PDE1C: variants seen among roughly 807,000 people sequenced by gnomAD.
PDE1C encodes the protein dual specificity calcium/calmodulin-dependent 3',5'-cyclic nucleotide phosphodiesterase 1C.
A neutral mutation model predicts 93.1 loss-of-function variants in PDE1C; 62 were observed. The ratio of observed to expected loss-of-function variants is 0.67; its 90% CI spans 0.54 to 0.82. PDE1C has a LOEUF of 0.82. Among genes scored for constraint, PDE1C ranks in the 40% least tolerant of loss-of-function variants. The pLI is 0.00. For missense variants in PDE1C, 742 were observed against 884.6 expected, an observed-to-expected ratio of 0.84 and a Z score of 2.04; for synonymous variants, 325 against 310.1, an observed-to-expected ratio of 1.05 and a Z score of -0.50.
chr7:32,002,839 T>C (rs970249877), intron 2 of PDE1C, among the ~76,000 whole-genome samples: 2 of 152,336 alleles, frequency 1.3e-5, no homozygotes, highest in African/African-American at 4.8e-5. Context: ...CTCATATGTG[T>C]TTGTTTAAAA....
chr7:31,833,586 T>C (rs1215174442), intron 11 of PDE1C, among the ~76,000 whole-genome samples: 1 of 152,156 alleles, frequency 6.6e-6, no homozygotes, highest in Non-Finnish European at 1.5e-5. Flanking sequence ...AGTTGGGAAC[T>C]GGAGTAAAAA....
chr7:31,935,432 TAA>T (rs1804907891), intron 2 of PDE1C, among the ~76,000 whole-genome samples: 1 of 152,146 alleles, frequency 6.6e-6, no homozygotes. Flanking sequence ...CATCCTTCTC[TAA>T]CTCTTGCTTT....
chr7:32,168,011 T>G (rs1339985757), intron 3 of PDE1C, among the ~76,000 whole-genome samples: 1 of 152,206 alleles, frequency 6.6e-6, no homozygotes, highest in South Asian at 2.1e-4. Context: ...ATTTACCATT[T>G]AGCACTGTCA....
chr7:31,712,050 C>A, the PDE1C span, among the ~76,000 whole-genome samples: 1 of 152,224 alleles, frequency 6.6e-6, no homozygotes, highest in Non-Finnish European at 1.5e-5. Context: ...CTCTTCCTTG[C>A]CTTCTTAATT....
At chr7:31,790,970 A>G (rs1226096033) in intron 16 of PDE1C, among the ~76,000 whole-genome samples, 1 of 152,122 alleles carries the variant, frequency 6.6e-6, no homozygotes, top group Admixed American at 6.6e-5. Context: ...TTGGTGTTGC[A>G]TGCTCTGCAA....
At chr7:32,137,908 T>C (rs1022758206) in intron 3 of PDE1C, among the ~76,000 whole-genome samples, 1 of 152,220 alleles carries the variant, frequency 6.6e-6, no homozygotes, top group African/African-American at 2.4e-5. Context: ...ACATCTCTGA[T>C]TGGTCAATTG....
intron 3 of PDE1C, among the ~76,000 whole-genome samples, chr7:32,102,467 G>A (rs1798087855): frequency 6.6e-6 from 1 of 152,212 alleles, no homozygotes. Context: ...TATCTGTGAA[G>A]TGACAGTAAT....
At position 31,809,015 on chromosome 7, in the gene PDE1C, A is replaced by G. The variant is rs369690223; in HGVS notation, c.1891+16T>C. 1.3e-5 allele frequency: 19 copies of G among 1,415,192 alleles called. No individual in the cohort carries two copies. The highest frequency in any genetic ancestry group is 1.8e-5 in the Non-Finnish European group (18 of 1,002,388). The allele number at this position is 1,415,192 out of a possible 1,614,324, so 87.7% of individuals were successfully genotyped here. On this transcript the variant is annotated intron_variant, in intron 16 of 17. Coordinates refer to ENST00000396191, the MANE Select transcript of PDE1C (RefSeq NM_001191057.4). ...GCACATTTTATGGAAAAATGTAATG[A>G]GAATAATACTCTTACCATCTGTTTT...
chr7:31,655,875 A>G, the PDE1C span: 2 of 985,530 alleles, frequency 2.0e-6, no homozygotes, highest in Non-Finnish European at 2.4e-6. Flanking sequence ...CGGAATGAAG[A>G]GGAACACCTG....
In PDE1C at chr7:31,879,010, C is replaced by A; in HGVS notation, c.411G>T (p.Gly137=). 6.2e-7 allele frequency: 1 copy of A among 1,613,922 alleles called. No individual in the cohort carries two copies. Among genetic ancestry groups the A allele is most frequent in the Non-Finnish European group, 8.5e-7 (1 of 1,179,810 alleles). The change falls in exon 4 of 18, where the codon GGG becomes GGT. Residue 137 remains glycine (G), a synonymous_variant. Coordinates refer to ENST00000396191, the MANE Select transcript of PDE1C (RefSeq NM_001191057.4). The part of the protein sequence containing the change: ...FKSIVHAVQA[G]IFVERMYRRT... ...GACATCTTTACCTCTCCACAAATAT[C>A]CCAGCCTGCACTGCGTGAACGATGC...
rs2302450 is a variant in PDE1C, at chr7:31,815,955, G to A, written c.1782C>T (p.Ala594=). 378,117 of 1,612,540 alleles carry A rather than the reference G, an allele frequency of 0.23. 46,070 individuals are homozygous for A. The highest frequency in any genetic ancestry group is 0.35 in the Middle Eastern group (2,097 of 6,056). The change falls in exon 15 of 18, where the codon GCC becomes GCT. Residue 594 remains alanine (A), a synonymous_variant. Coordinates refer to ENST00000396191, the MANE Select transcript of PDE1C (RefSeq NM_001191057.4). ...GTTGCTGTTCTCCTGATGACTTCTCGGCTTTGGAGTTTTTCCCACGAGGGT... is the reference window on the plus strand; with the variant it reads ...GTTGCTGTTCTCCTGATGACTTCTCAGCTTTGGAGTTTTTCCCACGAGGGT... ...SDNPRGKNSK[A]EKSSGEQQQN... is the part of the protein sequence containing the mutation.
chr7:31,957,238 T>C (rs934753360), intron 2 of PDE1C, among the ~76,000 whole-genome samples: 3 of 151,372 alleles, frequency 2.0e-5, no homozygotes, highest in African/African-American at 7.3e-5. Context: ...CACGTTGACA[T>C]TTCAAGCATA....
chr7:32,182,906 G>A (rs576408950), intron 2 of PDE1C, among the ~76,000 whole-genome samples: 220 of 152,238 alleles, frequency 1.4e-3, no homozygotes, highest in African/African-American at 5.0e-3. Flanking sequence ...AAACCCCATC[G>A]TCTCAGCCCA....
chr7:31,894,143 G>C (rs1315884108), intron 2 of PDE1C, among the ~76,000 whole-genome samples: 1 of 152,216 alleles, frequency 6.6e-6, no homozygotes, highest in Non-Finnish European at 1.5e-5. Context: ...GGGAATCATA[G>C]AATGTTCAAC....
At chr7:31,814,648 G>A (rs990469534) in intron 15 of PDE1C, among the ~76,000 whole-genome samples, 3 of 150,306 alleles carry the variant, frequency 2.0e-5, no homozygotes, top group African/African-American at 7.4e-5. Context: ...AGATTACCTG[G>A]TCGCACCAGG....
Position 32,386,537 on chromosome 7 carries a change from AT to A in PDE1C, c.310+41284del, listed in dbSNP as rs1303948933. On this transcript the variant is annotated intron_variant, in intron 1 of 1. Coordinates refer to the PDE1C transcript ENST00000672256. Reference sequence around the variant, plus strand: ...TTGTTGGACATGGAGATTGCTTTTAATTTATTGTTTTGGATAAATTTGTTGC... The same window carrying A: ...TTGTTGGACATGGAGATTGCTTTTAATTATTGTTTTGGATAAATTTGTTGC... Among the ~76,000 whole-genome samples, 3 of 102,160 alleles carry A rather than the reference AT, an allele frequency of 2.9e-5. No homozygotes were observed. In the Admixed American group the frequency reaches 3.6e-4, roughly 12 times the overall value. 67.0% of individuals were successfully genotyped at this position (102,160 alleles called of 152,430 possible).
chr7:31,680,958 C>T, the PDE1C span, among the ~76,000 whole-genome samples: 1 of 152,178 alleles, frequency 6.6e-6, no homozygotes, highest in African/African-American at 2.4e-5. Context: ...GTGAGTGGTA[C>T]ATCCTCAGAG....
At chr7:31,988,089 G>T (rs528928481) in intron 2 of PDE1C, among the ~76,000 whole-genome samples, 1 of 152,306 alleles carries the variant, frequency 6.6e-6, no homozygotes, top group African/African-American at 2.4e-5. Flanking sequence ...GACAGTGACA[G>T]GTGGGATGGC....
intron 2 of PDE1C, among the ~76,000 whole-genome samples, chr7:31,887,149 A>G (rs528064382): frequency 8.8e-4 from 134 of 152,044 alleles, no homozygotes; most frequent in Non-Finnish European, 1.7e-3. Flanking sequence ...CAGTGTGAAT[A>G]CTCTCTCTCA....
Sources: gnomAD v4.1 joint callset for allele counts (sites outside exome capture counted in the v4.1 genomes callset) on GRCh38, gnomAD v4.1.1 for gene constraint, MANE v1.5 for transcripts, NCBI Gene and HGNC (gene_info 2026-07-23, HGNC 2026-07-21) for gene names.